The following SPAG9 variants were observed in gnomAD, a reference collection of about 807,000 sequenced individuals.
SPAG9 encodes C-Jun-amino-terminal kinase-interacting protein 4.
A neutral mutation model predicts 166.5 loss-of-function variants in SPAG9; 35 were observed. That is an observed-to-expected ratio of 0.21 (90% CI 0.16 to 0.28). The LOEUF (loss-of-function observed/expected upper bound fraction) is 0.28. SPAG9 is among the 10% of genes least tolerant of loss of function. SPAG9 has a pLI of 1.00. For missense variants in SPAG9, 1,235 were observed against 1,603.3 expected (o/e 0.77, Z 3.92); for synonymous variants, 534 against 565.5 (o/e 0.94, Z 0.79).
At chr17:51,056,006 AC>A (rs2047352734) in intron 3 of SPAG9, among the ~76,000 whole-genome samples, 1 of 152,196 alleles carries the variant, frequency 6.6e-6, no homozygotes, top group Admixed American at 6.5e-5. Context: ...TAAGTCCTTT[AC>A]AATGGATAAT....
In SPAG9 at chr17:50,964,955, T is replaced by A. The variant is rs2143513177; in HGVS notation, c.*1317A>T. The A allele has an allele frequency of 5.4e-6, 1 of 185,296 alleles. No individual in the cohort carries two copies. The highest frequency in any genetic ancestry group is 1.8e-4 in the East Asian group (1 of 5,644). The allele number at this position is 185,296 out of a possible 1,614,324, so 11.5% of individuals were successfully genotyped here. On this transcript the variant is annotated 3_prime_UTR_variant, in exon 30 of 30. Transcript: ENST00000262013. Reference sequence around the variant, plus strand: ...TTTTTTTTTTTGGTAGAGACAGGGTTTCGCCATGTTGCCCAGGCTGGTCTT... The same window carrying A: ...TTTTTTTTTTTGGTAGAGACAGGGTATCGCCATGTTGCCCAGGCTGGTCTT...
intron 2 of SPAG9, among the ~76,000 whole-genome samples, chr17:51,069,106 C>T (rs1384346942): frequency 6.6e-6 from 1 of 151,852 alleles, no homozygotes; most frequent in East Asian, 1.9e-4. Context: ...CTAAAAGTAG[C>T]TTTCTAAATA....
chr17:51,095,974 G>GAT lies in SPAG9; in HGVS notation c.304-16272_304-16271dup, dbSNP rs372902683. On this transcript the variant is annotated intron_variant, in intron 1 of 29. Coordinates refer to ENST00000262013, the MANE Select transcript of SPAG9 (RefSeq NM_001130528.3). ...ATATATAGTGATATATATATATAGT[G>GAT]ATATATATATATATAGTGATATATA... Among the ~76,000 whole-genome samples the GAT allele has an allele frequency of 2.1e-3, 178 of 84,562 alleles. 9 individuals are homozygous for GAT. Among genetic ancestry groups the GAT allele is most frequent in the African/African-American group, 6.1e-3 (138 of 22,496 alleles). 55.5% of individuals were successfully genotyped at this position (84,562 alleles called of 152,430 possible).
intron 1 of SPAG9, among the ~76,000 whole-genome samples, chr17:51,103,948 G>A (rs574414815): frequency 6.6e-6 from 1 of 152,312 alleles, no homozygotes; most frequent in South Asian, 2.1e-4. Flanking sequence ...TTTGCATTCA[G>A]GGTGAGCGAT....
chr17:51,092,522 T>G (rs1317417327), intron 1 of SPAG9, among the ~76,000 whole-genome samples: 3 of 151,570 alleles, frequency 2.0e-5, no homozygotes, highest in African/African-American at 7.3e-5. Flanking sequence ...GTTTATAAGT[T>G]TTAGATGTGT....
intron 18 of SPAG9, among the ~76,000 whole-genome samples, chr17:50,994,827 A>G (rs1434452826): frequency 6.6e-6 from 1 of 150,836 alleles, no homozygotes. Context: ...TAGTGATTAC[A>G]TACGTGTACA....
At chr17:50,984,772 T>C (rs1398054829) in intron 24 of SPAG9, 151 bp downstream of exon 24, 2 of 694,920 alleles carry the variant, frequency 2.9e-6, no homozygotes, top group Non-Finnish European at 5.2e-6. Context: ...TATACCTCCA[T>C]GCACGCACTA....
Position 50,998,631 on chromosome 17 carries a change from G to T in SPAG9, c.1665-14C>A. On this transcript the variant is annotated splice_polypyrimidine_tract_variant and intron_variant, in intron 14 of 29. Coordinates refer to ENST00000262013, the MANE Select transcript of SPAG9 (RefSeq NM_001130528.3). ...AGTCGGCTGAAACTAAAAGAAGACA[G>T]TATGTCTGTGTGTCACATGTACTAT... 6.2e-7 allele frequency: 1 copy of T among 1,611,898 alleles called. No homozygotes were observed. Among genetic ancestry groups the T allele is most frequent in the Non-Finnish European group, 8.5e-7 (1 of 1,178,126 alleles).
At chr17:51,019,949 A>G (rs2045873624) in intron 8 of SPAG9, among the ~76,000 whole-genome samples, 1 of 152,242 alleles carries the variant, frequency 6.6e-6, no homozygotes, top group Non-Finnish European at 1.5e-5. Context: ...TCCTGCTCAT[A>G]CACCTAATTT....
Position 50,987,173 on chromosome 17 carries a change from C to T in SPAG9, c.2878G>A (p.Glu960Lys). The T allele has an allele frequency of 6.2e-7, 1 of 1,613,550 alleles. No homozygotes were observed. The highest frequency in any genetic ancestry group is 8.5e-7 in the Non-Finnish European group (1 of 1,179,732). Residue 960 changes from glutamate to lysine, a missense_variant, in exon 22 of 30, where the codon GAA becomes AAA. Glu to Lys is a moderately conservative substitution (Grantham distance 56). This residue lies in a region of SPAG9 where 493 missense variants were observed against 559.4 expected (regional missense o/e 0.88). Transcript: ENST00000262013. Reference protein sequence around the residue: ...VLPNEQDLVREEAQKMSSLLP... With the variant: ...VLPNEQDLVRKEAQKMSSLLP... ...AGACTACTCATTTTCTGGGCTTCTTCTCTCACCAAGTCTTGTTCATTTGGC... is the reference window on the plus strand; with the variant it reads ...AGACTACTCATTTTCTGGGCTTCTTTTCTCACCAAGTCTTGTTCATTTGGC...
chr17:51,069,000 T>C (rs1001405318), intron 2 of SPAG9, among the ~76,000 whole-genome samples: 1 of 152,138 alleles, frequency 6.6e-6, no homozygotes, highest in African/African-American at 2.4e-5. Context: ...TTCCCACTCA[T>C]ATGTAGGCTC....
At chr17:50,997,171 C>G (rs1014769929) in intron 15 of SPAG9, among the ~76,000 whole-genome samples, 4 of 152,162 alleles carry the variant, frequency 2.6e-5, no homozygotes, top group Non-Finnish European at 5.9e-5. Flanking sequence ...AAGTGTTATA[C>G]TAAAGCTGGT....
At chr17:51,026,177 C>T (rs2046160885) in intron 6 of SPAG9, among the ~76,000 whole-genome samples, 1 of 151,876 alleles carries the variant, frequency 6.6e-6, no homozygotes, top group Non-Finnish European at 1.5e-5. Flanking sequence ...GTTATTTTCA[C>T]CTCAGAAAAA....
At chr17:51,054,459 C>T (rs529433246) in intron 3 of SPAG9, among the ~76,000 whole-genome samples, 20 of 140,264 alleles carry the variant, frequency 1.4e-4, no homozygotes, top group East Asian at 2.1e-4. Context: ...TTTTTTGAGA[C>T]GGAGTCTCGC....
At chr17:51,080,294 C>CTT (rs202141770) in intron 1 of SPAG9, among the ~76,000 whole-genome samples, 11 of 140,414 alleles carry the variant, frequency 7.8e-5, no homozygotes, top group South Asian at 4.6e-4. Flanking sequence ...CTCCTTAAAA[C>CTT]TTTTTTTTTT....
intron 1 of SPAG9, among the ~76,000 whole-genome samples, chr17:51,107,809 G>T (rs1449393015): frequency 2.0e-5 from 3 of 151,746 alleles, no homozygotes; most frequent in African/African-American, 7.3e-5. Flanking sequence ...CAGTTACTTG[G>T]GAGGCTAAGG....
intron 2 of SPAG9, among the ~76,000 whole-genome samples, chr17:51,063,336 T>C (rs994940667): frequency 1.2e-4 from 18 of 147,552 alleles, no homozygotes; most frequent in African/African-American, 1.5e-4. Context: ...CGTTTGAACC[T>C]GGGAGGTGGA....
At chr17:51,105,674 CCTGG>C (rs1449151132) in intron 1 of SPAG9, among the ~76,000 whole-genome samples, 6 of 151,820 alleles carry the variant, frequency 4.0e-5, no homozygotes, top group Admixed American at 3.9e-4. Flanking sequence ...TCGAGGCCAT[CCTGG>C]CTAACACAGT....
chr17:51,047,124 T>A (rs1325688526), intron 4 of SPAG9, among the ~76,000 whole-genome samples: 1 of 152,196 alleles, frequency 6.6e-6, no homozygotes, highest in Non-Finnish European at 1.5e-5. Flanking sequence ...TAGTATAATC[T>A]CCATCAAGTA....
Sources: allele counts gnomAD v4.1 joint callset (sites outside exome capture counted in the v4.1 genomes callset), GRCh38; gene constraint gnomAD v4.1.1; regional missense constraint gnomAD v4.1.1; transcripts MANE v1.5; gene names NCBI Gene and HGNC (gene_info 2026-07-23, HGNC 2026-07-21).